Variants in VSX1 observed in about 807,000 individuals in gnomAD.
VSX1 encodes homeodomain protein RINX.
A neutral mutation model predicts 23.6 loss-of-function variants in VSX1; 23 were observed. That is an observed-to-expected ratio of 0.97 (90% confidence interval 0.70 to 1.38). VSX1 has a LOEUF of 1.38. Among genes scored for constraint, VSX1 ranks in the 40% most tolerant of loss-of-function variants. The probability of loss-of-function intolerance (pLI) is 0.00; values close to 1 mark genes in which losing one functional copy is unlikely to be tolerated. For missense variants in VSX1, 517 were observed against 495.4 expected (o/e 1.04, Z -0.41); for synonymous variants, 247 against 215.1 (o/e 1.15, Z -1.30).
At chr20:25,075,203 G>C (rs747347324), downstream of VSX1, among the ~76,000 whole-genome samples, 5 of 152,162 alleles carry the variant, frequency 3.3e-5, no homozygotes, top group Non-Finnish European at 7.3e-5. Context: ...CACTTTCCTT[G>C]TACTGCCCTT....
At chr20:25,071,725 A>T (rs1182235148), downstream of VSX1, 19 of 681,392 alleles carry the variant, frequency 2.8e-5, no homozygotes, top group Non-Finnish European at 5.1e-5. Context: ...ACGGAAAAGA[A>T]CACACTGAAC....
chr20:25,073,754 T>C (rs2089430151), downstream of VSX1, among the ~76,000 whole-genome samples: 1 of 152,164 alleles, frequency 6.6e-6, no homozygotes, highest in Non-Finnish European at 1.5e-5. Context: ...TTCAGGAACC[T>C]CCAGTGACCT....
downstream of VSX1, among the ~76,000 whole-genome samples, chr20:25,074,831 G>A (rs1357619142): frequency 6.6e-6 from 1 of 152,136 alleles, no homozygotes; most frequent in Non-Finnish European, 1.5e-5. Flanking sequence ...CCAACCCTCT[G>A]GGAGGCAGAA....
downstream of VSX1, chr20:25,071,156 A>G (rs1381233007): frequency 2.2e-6 from 1 of 453,978 alleles, no homozygotes; most frequent in South Asian, 1.6e-5. Flanking sequence ...GCAGAAAAGC[A>G]CAGAAACTCC....
Position 25,079,424 on chromosome 20 carries a change from C to T in VSX1, c.503+12G>A, listed in dbSNP as rs1356743039. 1 of 1,609,380 alleles carries T rather than the reference C, an allele frequency of 6.2e-7. No homozygotes were observed. Among genetic ancestry groups the T allele is most frequent in the Admixed American group, 1.7e-5 (1 of 59,784 alleles). On this transcript the variant is annotated intron_variant, in intron 2 of 4. Coordinates refer to ENST00000376709, the MANE Select transcript of VSX1 (RefSeq NM_014588.6). ...AGGAAAGGCAGGCAGAGGGGACTGC[C>T]TGGCCCTATACCTGTGCCGCCGCTT...
chr20:25,079,649 T>C, intron 1 of VSX1, 135 bp from the exon 2 acceptor site: 1 of 778,144 alleles, frequency 1.3e-6, no homozygotes, highest in Middle Eastern at 2.6e-4. Flanking sequence ...GCATTTTTAG[T>C]GCCTACTAGA....
intron 4 of VSX1, among the ~76,000 whole-genome samples, 198 bp from the exon 5 acceptor site, chr20:25,076,748 C>G (rs1042081257): frequency 6.6e-6 from 1 of 152,180 alleles, no homozygotes; most frequent in Non-Finnish European, 1.5e-5. Flanking sequence ...CGGGTCACAT[C>G]CAGCAAAGGT....
chr20:25,072,285 A>G (rs1286975539), downstream of VSX1, among the ~76,000 whole-genome samples: 1 of 152,170 alleles, frequency 6.6e-6, no homozygotes, highest in Non-Finnish European at 1.5e-5. Context: ...TCCACCTGGA[A>G]GTGTTTTCCT....
At chr20:25,081,353 TG>T (rs1568865977) in intron 1 of VSX1, 13 of 626,368 alleles carry the variant, frequency 2.1e-5, no homozygotes, top group South Asian at 9.8e-5. Flanking sequence ...CGCCTGGCGC[TG>T]GGGGGAAAAA....
rs1455848961 is a variant in VSX1 at position 25,077,796 on chromosome 20, C to T, written c.697G>A (p.Ala233Thr). ...EKRWGGSSVM[A>T]EYGLYGAMVR... is the part of the protein sequence containing the mutation. ...ATGGCCCCGTACAGCCCGTACTCGG[C>T]CATCACGCTGCTGCCGCCCCAGCGC... Residue 233 changes from alanine to threonine, a missense_variant, in exon 4 of 5, where the codon GCC becomes ACC. Physicochemically the swap from Ala to Thr is moderately conservative, Grantham distance 58. Coordinates refer to ENST00000376709, the MANE Select transcript of VSX1 (RefSeq NM_014588.6). 6.4e-7 allele frequency: 1 copy of T among 1,551,268 alleles called. No homozygotes were observed. Among genetic ancestry groups the T allele is most frequent in the Non-Finnish European group, 8.7e-7 (1 of 1,147,052 alleles).
rs554386039 is a variant in VSX1 at position 25,077,699 on chromosome 20, G to A, written c.794C>T (p.Ala265Val). The change falls in exon 4 of 5, where the codon GCG (alanine) becomes GTG (valine). Residue 265 changes from alanine to valine, a missense_variant. Physicochemically the swap from Ala to Val is moderately conservative, Grantham distance 64 (BLOSUM62 0). Transcript: ENST00000376709. ...CCCTTCCTTACCCAGGAGCCAGGGC[G>A]CGCAGGAGCCCAGCAGGCCGCCCTC... The part of the protein sequence containing the change: ...SAEGGLLGSC[A>V]PWLLGMHKKS... 2.6e-6 allele frequency: 4 copies of A among 1,548,720 alleles called. No homozygotes were observed. Among genetic ancestry groups the A allele is most frequent in the Non-Finnish European group, 3.5e-6 (4 of 1,146,792 alleles).
chr20:25,075,960 G>A lies in VSX1; in HGVS notation c.*301C>T. The A allele has an allele frequency of 2.2e-6, 1 of 454,008 alleles. No individual in the cohort carries two copies. Among genetic ancestry groups the A allele is most frequent in the Non-Finnish European group, 4.0e-6 (1 of 247,212 alleles). The allele number at this position is 454,008 out of a possible 1,614,324, so 28.1% of individuals were successfully genotyped here. A position where few individuals can be genotyped will look rare whatever the true frequency, so the allele number is the denominator to read the frequency against. On this transcript the variant is annotated 3_prime_UTR_variant, in exon 5 of 5. Transcript: ENST00000376709. ...AACCACACATCTCAAATGATGCCCA[G>A]CAGTGAAATCATTTTTGAACTTCGG...
chr20:25,081,994 C>T lies in VSX1; in HGVS notation c.103G>A (p.Asp35Asn). Residue 35 changes from aspartate to asparagine, a missense_variant, in exon 1 of 5, where the codon GAC (aspartate) becomes AAC (asparagine). Physicochemically the swap from Asp to Asn is conservative, Grantham distance 23. Coordinates refer to ENST00000376709, the MANE Select transcript of VSX1 (RefSeq NM_014588.6). ...GSRPRGFAITDLLGLEAELPA... is the reference protein window; with the variant it reads ...GSRPRGFAITNLLGLEAELPA... The stretch of plus-strand genomic sequence containing the variant: ...AGCTCGGCCTCCAAGCCCAGCAGGT[C>T]CGTGATGGCGAAGCCCCGGGGGCGC... The T allele has an allele frequency of 6.5e-7, 1 of 1,534,332 alleles. No homozygotes were observed. Among genetic ancestry groups the T allele is most frequent in the Non-Finnish European group, 8.7e-7 (1 of 1,146,684 alleles).
rs2089493294 is a variant in VSX1, at chr20:25,076,430, C to T, written c.929G>A (p.Arg310Lys). The change falls in exon 5 of 5, where the codon AGA (arginine) becomes AAA (lysine). Residue 310 changes from arginine (R) to lysine (K), a missense_variant. Transcript: ENST00000376709. The stretch of plus-strand genomic sequence containing the variant: ...CTCAGGGCTCACTTTATCTGAGCCT[C>T]TCTGTGATCCTGACTCACTCTGGCT... ...GSSQSESGSQ[R>K]GSDKVSPENG... is the part of the protein sequence containing the mutation. 2 of 1,614,168 alleles carry T rather than the reference C, an allele frequency of 1.2e-6. No individual in the cohort carries two copies. The highest frequency in any genetic ancestry group is 1.6e-4 in the Middle Eastern group (1 of 6,062).
Position 25,078,898 on chromosome 20 carries a change from G to A in VSX1, c.558C>T (p.Ala186=), listed in dbSNP as rs2089573717. 4 of 1,614,046 alleles carry A rather than the reference G, an allele frequency of 2.5e-6. No homozygotes were observed. The highest frequency in any genetic ancestry group is 8.5e-7 in the Non-Finnish European group (1 of 1,180,038). The change falls in exon 3 of 5, where the codon GCC becomes GCT. Residue 186 remains alanine (A), a synonymous_variant. Coordinates refer to ENST00000376709, the MANE Select transcript of VSX1 (RefSeq NM_014588.6). ...LEELEKAFSE[A]HYPDVYAREM... Reference sequence around the variant, plus strand: ...CTCGGGCATACACATCAGGGTAGTGGGCCTCGCTGAATGCCTTCTCCAACT... The same window carrying A: ...CTCGGGCATACACATCAGGGTAGTGAGCCTCGCTGAATGCCTTCTCCAACT...
At position 25,082,037 on chromosome 20, in the gene VSX1, G is replaced by C; in HGVS notation, c.60C>G (p.Gly20=). Residue 20 remains glycine, a synonymous_variant, in exon 1 of 5, where the codon GGC becomes GGG. Transcript: ENST00000376709. ...GGGGGCGCGAGCCCCTAGGGGAACC[G>C]CCAGGCACCAGCGCCCTGCTGCTAG... is the stretch of plus-strand genomic sequence containing the variant. ...GRTSSRALVP[G]GSPRGSRPRG... 6.5e-7 allele frequency: 1 copy of C among 1,537,438 alleles called. No individual in the cohort carries two copies. The highest frequency in any genetic ancestry group is 2.4e-5 in the East Asian group (1 of 41,414).
At chr20:25,079,304 C>T in intron 2 of VSX1, 132 bp downstream of exon 2, 1 of 892,264 alleles carries the variant, frequency 1.1e-6, no homozygotes, top group Non-Finnish European at 1.7e-6. Context: ...GCTTCTGTGC[C>T]CTTCCCATTG....
chr20:25,077,860 C>G lies in VSX1; in HGVS notation c.633G>C (p.Trp211Cys). ...TELPEDRIQV[W>C]FQNRRAKWRK... The stretch of plus-strand genomic sequence containing the variant: ...GCCATTTGGCCCTGCGGTTTTGAAA[C>G]CAGACCTGGTTGGAGGCAGGAGAAG... The change falls in exon 4 of 5, where the codon TGG becomes TGC. Residue 211 changes from tryptophan to cysteine, a missense_variant. Coordinates refer to ENST00000376709, the MANE Select transcript of VSX1 (RefSeq NM_014588.6). The G allele has an allele frequency of 1.3e-6, 2 of 1,551,898 alleles. No individual in the cohort carries two copies. Among genetic ancestry groups the G allele is most frequent in the East Asian group, 2.4e-5 (1 of 41,110 alleles).
rs1258247946 is a variant in VSX1, at chr20:25,077,728, G to T, written c.765C>A (p.Ser255=). 1.9e-6 allele frequency: 3 copies of T among 1,550,356 alleles called. No homozygotes were observed. Among genetic ancestry groups the T allele is most frequent in the Non-Finnish European group, 2.6e-6 (3 of 1,146,890 alleles). ...AGGAGCCCAGCAGGCCGCCCTCGGC[G>T]GAGTTGAGCACGGAGTCTGGCAGCG... ...CIPLPDSVLN[S]AEGGLLGSCA... Residue 255 remains serine, a synonymous_variant, in exon 4 of 5, where the codon TCC becomes TCA. Coordinates refer to ENST00000376709, the MANE Select transcript of VSX1 (RefSeq NM_014588.6).
Sources: gnomAD v4.1 joint callset for allele counts (sites outside exome capture counted in the v4.1 genomes callset) on GRCh38, gnomAD v4.1.1 for gene constraint, MANE v1.5 for transcripts, NCBI Gene and HGNC (gene_info 2026-07-23, HGNC 2026-07-21) for gene names.